PPP2R3A: variants seen among roughly 807,000 people sequenced by gnomAD.
PPP2R3A encodes serine/threonine-protein phosphatase 2A regulatory subunit B'' subunit alpha.
A neutral mutation model predicts 106.9 loss-of-function variants in PPP2R3A; 80 were observed. The observed-to-expected ratio is 0.75, with a 90% CI of 0.62 to 0.90. The LOEUF is 0.90. PPP2R3A is among the 40% of genes least tolerant of loss of function. The pLI, the probability that PPP2R3A is intolerant of heterozygous loss-of-function variation, is 0.00. For missense variants in PPP2R3A, 1,386 were observed against 1,350.4 expected (o/e 1.03, Z -0.41); for synonymous variants, 483 against 468.3 (o/e 1.03, Z -0.41).
At chr3:136,055,963 T>TA (rs1935846704) in intron 5 of PPP2R3A, among the ~76,000 whole-genome samples, 1 of 152,194 alleles carries the variant, frequency 6.6e-6, no homozygotes, top group Admixed American at 6.5e-5. Flanking sequence ...GCCTGACAGA[T>TA]ACTACCTCAG....
At chr3:136,097,764 C>G (rs942870468) in intron 10 of PPP2R3A, among the ~76,000 whole-genome samples, 16 of 152,222 alleles carry the variant, frequency 1.1e-4, no homozygotes, top group African/African-American at 3.6e-4. Context: ...ACAAAGAGAT[C>G]TTAGAGGCCA....
At chr3:136,144,498 T>TA (rs1288833922) in intron 13 of PPP2R3A, among the ~76,000 whole-genome samples, 5 of 151,970 alleles carry the variant, frequency 3.3e-5, no homozygotes, top group African/African-American at 1.2e-4. Context: ...CCATCTCTAC[T>TA]AAAAATACAA....
intron 13 of PPP2R3A, among the ~76,000 whole-genome samples, chr3:136,124,781 G>T (rs1247982428): frequency 6.6e-6 from 1 of 151,394 alleles, no homozygotes; most frequent in Non-Finnish European, 1.5e-5. Flanking sequence ...AAAGAGAAAA[G>T]GTATAAATTA....
At chr3:136,117,472 A>T (rs1180061443) in intron 13 of PPP2R3A, among the ~76,000 whole-genome samples, 1 of 152,160 alleles carries the variant, frequency 6.6e-6, no homozygotes, top group Non-Finnish European at 1.5e-5. Flanking sequence ...TCAACAAAAT[A>T]GACCTCTAGC....
At position 136,121,267 on chromosome 3, in the gene PPP2R3A, A is replaced by T. The variant is rs1342091590; in HGVS notation, c.3329+14945A>T. On this transcript the variant is annotated intron_variant, in intron 13 of 13. Transcript: ENST00000264977. ...CAGTCATTAAAAGAAAAGGAATGAA[A>T]TCATGTCCTTTGCAGCAACATGGAT... Among the ~76,000 whole-genome samples, 12 of 152,202 alleles carry T rather than the reference A, an allele frequency of 7.9e-5. 1 individual carries two copies. Among genetic ancestry groups the T allele is most frequent in the Admixed American group, 7.9e-4 (12 of 15,282 alleles).
intron 13 of PPP2R3A, among the ~76,000 whole-genome samples, chr3:136,114,959 G>T (rs1260464739): frequency 6.6e-6 from 1 of 152,160 alleles, no homozygotes; most frequent in Non-Finnish European, 1.5e-5. Flanking sequence ...TGACCTCCAG[G>T]TATCCTGACT....
chr3:136,055,755 G>A, intron 5 of PPP2R3A: 2 of 648,250 alleles, frequency 3.1e-6, no homozygotes, highest in South Asian at 2.2e-5. Flanking sequence ...TATGGAATGT[G>A]GTGATGAGAA....
At chr3:136,126,763 C>T (rs959342023) in intron 13 of PPP2R3A, among the ~76,000 whole-genome samples, 11 of 152,236 alleles carry the variant, frequency 7.2e-5, no homozygotes, top group Non-Finnish European at 1.0e-4. Flanking sequence ...CTCATATAAG[C>T]GGCTGCCCCT....
In PPP2R3A at chr3:136,103,378, T is replaced by TAACA; in HGVS notation, c.3222+3_3222+6dup. Reference sequence around the variant, plus strand: ...AGAGATCCCTTTGCGGTCCAGAAGGTAACAGTATAATTTTAACTTTTATTT... The same window carrying TAACA: ...AGAGATCCCTTTGCGGTCCAGAAGGTAACAAACAGTATAATTTTAACTTTTATTT... On this transcript the variant is annotated splice_region_variant and intron_variant, in intron 12 of 13. Coordinates refer to ENST00000264977, the MANE Select transcript of PPP2R3A (RefSeq NM_002718.5). 1 of 1,566,170 alleles carries TAACA rather than the reference T, an allele frequency of 6.4e-7. No individual in the cohort carries two copies. The highest frequency in any genetic ancestry group is 8.8e-7 in the Non-Finnish European group (1 of 1,140,334).
chr3:136,003,275 C>T lies in PPP2R3A; in HGVS notation c.1777C>T (p.Arg593Ter), dbSNP rs74952187. Residue 593 changes from arginine (R) to a stop codon, truncating the protein, a stop_gained, in exon 2 of 14, where the codon CGA becomes TGA. Coordinates refer to ENST00000264977, the MANE Select transcript of PPP2R3A (RefSeq NM_002718.5). LOFTEE classifies it high-confidence loss of function. ...GGAAGAGGATCGAGCCCTCTTACTG[C>T]GAATCCTGGAAAGCATTGAAGACTT... ...IEEEDRALLLRILESIEDFAQ... is the reference protein window; with the variant it reads ...IEEEDRALLL 3 of 1,613,760 alleles carry T rather than the reference C, an allele frequency of 1.9e-6. No homozygotes were observed. The highest frequency in any genetic ancestry group is 2.5e-6 in the Non-Finnish European group (3 of 1,179,844).
chr3:136,058,997 G>A lies in PPP2R3A; in HGVS notation c.2469+9636G>A, dbSNP rs181963708. ...CATATACAAAAATTAACTCAAGATGGATTAAAACGTAAATGTAAAACGCAA... is the reference window on the plus strand; with the variant it reads ...CATATACAAAAATTAACTCAAGATGAATTAAAACGTAAATGTAAAACGCAA... On this transcript the variant is annotated intron_variant, in intron 5 of 13. Coordinates refer to ENST00000264977, the MANE Select transcript of PPP2R3A (RefSeq NM_002718.5). Among the ~76,000 whole-genome samples, 492 of 152,236 alleles carry A rather than the reference G, an allele frequency of 3.2e-3. 1 individual carries two copies. Among genetic ancestry groups the A allele is most frequent in the Non-Finnish European group, 4.7e-3 (317 of 68,014 alleles).
At chr3:136,054,869 A>C (rs926813737) in intron 5 of PPP2R3A, among the ~76,000 whole-genome samples, 2 of 152,180 alleles carry the variant, frequency 1.3e-5, no homozygotes, top group African/African-American at 2.4e-5. Context: ...TTTGCAAAGA[A>C]ATGCATTAAT....
intron 10 of PPP2R3A, among the ~76,000 whole-genome samples, chr3:136,093,821 C>T (rs1937153923): frequency 1.3e-5 from 2 of 152,188 alleles, no homozygotes; most frequent in African/African-American, 2.4e-5. Context: ...GCAGCCGTTA[C>T]AGAAAAGTCT....
At chr3:136,000,983 A>G in intron 1 of PPP2R3A, 76 bp from the exon 2 acceptor site, 1 of 393,006 alleles carries the variant, frequency 2.5e-6, no homozygotes. Context: ...TTAACTGCAA[A>G]TGGGATGCAA....
At chr3:136,096,862 C>G (rs937297548) in intron 10 of PPP2R3A, among the ~76,000 whole-genome samples, 1 of 152,134 alleles carries the variant, frequency 6.6e-6, no homozygotes, top group African/African-American at 2.4e-5. Flanking sequence ...GGCTGAGGCA[C>G]AAGAATCGCT....
intron 5 of PPP2R3A, among the ~76,000 whole-genome samples, chr3:136,056,695 C>T (rs1935874222): frequency 6.6e-6 from 1 of 150,880 alleles, no homozygotes; most frequent in Non-Finnish European, 1.5e-5. Flanking sequence ...TGGATATGAA[C>T]CCAAAAGCAC....
At chr3:135,985,374 TCCTCTCTCCCTCTCTC>T (rs139745267) in intron 1 of PPP2R3A, among the ~76,000 whole-genome samples, 116 of 135,062 alleles carry the variant, frequency 8.6e-4, no homozygotes, top group East Asian at 4.6e-3. Context: ...CTCTCTCCCT[TCCTCTCTCCCTCTCTC>T]CCTCTCTCCC....
chr3:136,130,452 G>GGGATGTGAAGGACCTCTTCAA (rs1343903407), intron 13 of PPP2R3A, among the ~76,000 whole-genome samples: 4 of 152,090 alleles, frequency 2.6e-5, no homozygotes, highest in Non-Finnish European at 5.9e-5. Flanking sequence ...CCACTTACAA[G>GGGATGTGAAGGACCTCTTCAA]GGATGTGAAG....
intron 13 of PPP2R3A, among the ~76,000 whole-genome samples, chr3:136,115,615 G>T (rs777388891): frequency 6.6e-6 from 1 of 151,578 alleles, no homozygotes. Flanking sequence ...ACAACTATCA[G>T]TAGCCAAATC....
Sources: allele counts gnomAD v4.1 joint callset (sites outside exome capture counted in the v4.1 genomes callset), GRCh38; gene constraint gnomAD v4.1.1; transcripts MANE v1.5; gene names NCBI Gene and HGNC (gene_info 2026-07-23, HGNC 2026-07-21).